YTHDF1: variants seen among roughly 807,000 people sequenced by gnomAD.
YTHDF1 encodes YTH N6-methyladenosine RNA binding protein F1, also known as YTH domain-containing family protein 1.
In YTHDF1, 16 loss-of-function variants were observed where a neutral mutation model predicts 49.1. The observed-to-expected ratio is 0.33, with a 90% CI of 0.22 to 0.49. The LOEUF (loss-of-function observed/expected upper bound fraction) is 0.49, where lower values mean the gene tolerates loss of function less well. Among genes scored for constraint, YTHDF1 ranks in the 20% least tolerant of loss-of-function variants. The pLI, the probability that YTHDF1 is intolerant of heterozygous loss-of-function variation, is 0.99. For missense variants in YTHDF1, 621 were observed against 744.3 expected, an observed-to-expected ratio of 0.83 and a Z score of 1.93; for synonymous variants, 313 against 290.1, an observed-to-expected ratio of 1.08 and a Z score of -0.80.
intron 3 of YTHDF1, among the ~76,000 whole-genome samples, chr20:63,207,545 T>G (rs927764695): frequency 6.6e-6 from 1 of 151,392 alleles, no homozygotes; most frequent in Non-Finnish European, 1.5e-5. Flanking sequence ...AAGCATATTT[T>G]GGTCCTCGTA....
In YTHDF1 at chr20:63,215,909, G is replaced by A. The variant is rs1245362742; in HGVS notation, c.-17C>T. The A allele has an allele frequency of 1.4e-6, 2 of 1,403,164 alleles. No individual in the cohort carries two copies. Among genetic ancestry groups the A allele is most frequent in the Admixed American group, 2.7e-5 (1 of 37,610 alleles). 86.9% of individuals were successfully genotyped at this position (1,403,164 alleles called of 1,614,324 possible). A position where few individuals can be genotyped will look rare whatever the true frequency, so the allele number is the denominator to read the frequency against. On this transcript the variant is annotated 5_prime_UTR_variant, in exon 1 of 5. Coordinates refer to ENST00000370339, the MANE Select transcript of YTHDF1 (RefSeq NM_017798.4). The stretch of plus-strand genomic sequence containing the variant: ...GGCCGACATGCTTCATGAACAACTA[G>A]ACGCGGGGCCGGGGCGCCCGCCGGC...
chr20:63,215,779 C>T, intron 1 of YTHDF1, 87 bp downstream of exon 1: 3 of 1,405,110 alleles, frequency 2.1e-6, no homozygotes, highest in Non-Finnish European at 2.8e-6. Context: ...CCTCCGCGAC[C>T]CCGGGCTCTG....
At chr20:63,209,993 G>A (rs192538975) in intron 3 of YTHDF1, among the ~76,000 whole-genome samples, 51 of 152,316 alleles carry the variant, frequency 3.3e-4, no homozygotes, top group Non-Finnish European at 5.6e-4. Context: ...AGTAGTAACA[G>A]TCGTTTATCA....
rs1453121979 is a variant in YTHDF1, at chr20:63,203,395, C to T, written c.545G>A (p.Ser182Asn). 1 of 1,613,166 alleles carries T rather than the reference C, an allele frequency of 6.2e-7. No individual in the cohort carries two copies. Among genetic ancestry groups the T allele is most frequent in the East Asian group, 2.2e-5 (1 of 44,868 alleles). ...CAGGCCAACCATGCCCTGCTCCAGGCTGTTCATCCCGGGGGCCTTGCTGAG... is the reference window on the plus strand; with the variant it reads ...CAGGCCAACCATGCCCTGCTCCAGGTTGTTCATCCCGGGGGCCTTGCTGAG... ...DTLSKAPGMN[S>N]LEQGMVGLKI... The change falls in exon 4 of 5, where the codon AGC (serine) becomes AAC (asparagine). Residue 182 changes from serine to asparagine, a missense_variant. Physicochemically the swap from Ser to Asn is conservative, Grantham distance 46 (BLOSUM62 1). Transcript: ENST00000370339. This position sits in a 1 kb window ranked among gnomAD's most constrained non-coding sequence, Gnocchi z 4.4.
At chr20:63,198,250 T>C (rs2066501515) in intron 4 of YTHDF1, among the ~76,000 whole-genome samples, 1 of 147,992 alleles carries the variant, frequency 6.8e-6, no homozygotes, top group Non-Finnish European at 1.5e-5. Flanking sequence ...TTGGTCAACA[T>C]GGTAAAACCC....
intron 3 of YTHDF1, among the ~76,000 whole-genome samples, chr20:63,204,209 T>G (rs2066534008): frequency 6.6e-6 from 1 of 152,214 alleles, no homozygotes; most frequent in Non-Finnish European, 1.5e-5. Flanking sequence ...TGAAACAGCT[T>G]TGTAAGGCAG....
intron 4 of YTHDF1, among the ~76,000 whole-genome samples, chr20:63,200,333 C>G (rs1233950991): frequency 6.6e-6 from 1 of 152,022 alleles, no homozygotes; most frequent in Non-Finnish European, 1.5e-5. Flanking sequence ...TGCACTCCAG[C>G]CTGGCTGACG....
rs2066530759 is a variant in YTHDF1, at chr20:63,203,645, AATG to A, written c.292_294del (p.His98del). ...TGCCCAAAAACAGCATCGTGCATAA[AATG>A]ATGGTCTCCGTTACTGAGCTGTCCG... On this transcript the variant is annotated inframe_deletion, in exon 4 of 5. Coordinates refer to ENST00000370339, the MANE Select transcript of YTHDF1 (RefSeq NM_017798.4). The surrounding 1 kb of genome is among the most constrained non-coding windows in gnomAD (Gnocchi z 4.4). The A allele has an allele frequency of 6.2e-7, 1 of 1,614,122 alleles. No individual in the cohort carries two copies. Among genetic ancestry groups the A allele is most frequent in the African/African-American group, 1.3e-5 (1 of 75,030 alleles).
Position 63,196,607 on chromosome 20 carries a change from T to C in YTHDF1, c.*101A>G. On this transcript the variant is annotated 3_prime_UTR_variant, in exon 5 of 5. Coordinates refer to ENST00000370339, the MANE Select transcript of YTHDF1 (RefSeq NM_017798.4). ...GACAAGAAAGGCAAAGATGCAACAC[T>C]CAACCCCCGCACGGGACGACACACT... 1 of 1,400,878 alleles carries C rather than the reference T, an allele frequency of 7.1e-7. No homozygotes were observed. The highest frequency in any genetic ancestry group is 9.9e-7 in the Non-Finnish European group (1 of 1,013,102). The allele number at this position is 1,400,878 out of a possible 1,614,324, so 86.8% of individuals were successfully genotyped here. A position where few individuals can be genotyped will look rare whatever the true frequency, so the allele number is the denominator to read the frequency against.
At chr20:63,198,769 G>A (rs182750093) in intron 4 of YTHDF1, among the ~76,000 whole-genome samples, 141 of 152,262 alleles carry the variant, frequency 9.3e-4, no homozygotes, top group African/African-American at 3.2e-3. Context: ...CTGCTGAGCC[G>A]GCCTGGAGGT....
At chr20:63,211,477 C>T (rs903128275) in intron 3 of YTHDF1, among the ~76,000 whole-genome samples, 4 of 152,076 alleles carry the variant, frequency 2.6e-5, no homozygotes, top group Admixed American at 1.3e-4. Context: ...CAAAAAAGGA[C>T]CCAGAGCTAT....
At chr20:63,207,665 C>T (rs1234344678) in intron 3 of YTHDF1, among the ~76,000 whole-genome samples, 5 of 152,290 alleles carry the variant, frequency 3.3e-5, no homozygotes, top group African/African-American at 1.2e-4. Context: ...ATGCTAGGCG[C>T]CTCACTGCAG....
intron 3 of YTHDF1, among the ~76,000 whole-genome samples, chr20:63,205,370 T>C (rs1251407747): frequency 6.6e-6 from 1 of 152,198 alleles, no homozygotes; most frequent in Admixed American, 6.5e-5. Context: ...CCAACACTGG[T>C]GGACTAATGA....
Position 63,204,802 on chromosome 20 carries a change from T to C in YTHDF1, c.133-995A>G, listed in dbSNP as rs1032614699. ...AATTTAGACTGAGGGTCAGCAGTTC[T>C]GGGACGGCATCTCCTTGGAGAGACT... On this transcript the variant is annotated intron_variant, in intron 3 of 4. Transcript: ENST00000370339. Among the ~76,000 whole-genome samples, 13 of 152,228 alleles carry C rather than the reference T, an allele frequency of 8.5e-5. 1 individual carries two copies. The South Asian group carries it at 1.2e-3, about 15-fold the overall frequency.
At position 63,196,651 on chromosome 20, in the gene YTHDF1, G is replaced by A. The variant is rs2066493723; in HGVS notation, c.*57C>T. ...ACACACTGGAGCTGACCAAGCACAC[G>A]TGTTTTAAACTGTTTTCAAAGTCAA... On this transcript the variant is annotated 3_prime_UTR_variant, in exon 5 of 5. Coordinates refer to ENST00000370339, the MANE Select transcript of YTHDF1 (RefSeq NM_017798.4). 9.3e-6 allele frequency: 15 copies of A among 1,606,428 alleles called. No homozygotes were observed. The highest frequency in any genetic ancestry group is 8.4e-5 in the Admixed American group (5 of 59,566).
In YTHDF1 at chr20:63,203,046, G is replaced by C; in HGVS notation, c.894C>G (p.Pro298=). 6.2e-7 allele frequency: 1 copy of C among 1,606,368 alleles called. No individual in the cohort carries two copies. The highest frequency in any genetic ancestry group is 8.5e-7 in the Non-Finnish European group (1 of 1,175,452). ...CTGGGAGAGGCTGAGCCACCTGCTG[G>C]GGCTGTGGGGCAGCCTGTGGAGAGG... ...QAPSPQAAPQ[P]QQVAQPLPAQ... is the part of the protein sequence containing the mutation. Residue 298 remains proline, a synonymous_variant, in exon 4 of 5, where the codon CCC becomes CCG. Transcript: ENST00000370339. This position sits in a 1 kb window ranked among gnomAD's most constrained non-coding sequence, Gnocchi z 4.4.
In YTHDF1 at chr20:63,203,580, G is replaced by T; in HGVS notation, c.360C>A (p.Phe120Leu). 1 of 1,614,118 alleles carries T rather than the reference G, an allele frequency of 6.2e-7. No homozygotes were observed. Among genetic ancestry groups the T allele is most frequent in the Non-Finnish European group, 8.5e-7 (1 of 1,180,032 alleles). The change falls in exon 4 of 5, where the codon TTC becomes TTA. Residue 120 changes from phenylalanine (F) to leucine (L), a missense_variant. This residue lies in a region of YTHDF1 where 470 missense variants were observed against 495.8 expected (regional missense o/e 0.95). Coordinates refer to ENST00000370339, the MANE Select transcript of YTHDF1 (RefSeq NM_017798.4). The surrounding 1 kb of genome is among the most constrained non-coding windows in gnomAD (Gnocchi z 4.4). Reference sequence around the variant, plus strand: ...ACGCAGGGTTTTCAGGGAAAAAATTGAACCTGTGCTGATAGATGTTGTTCC... The same window carrying T: ...ACGCAGGGTTTTCAGGGAAAAAATTTAACCTGTGCTGATAGATGTTGTTCC... ...GLGNNIYQHR[F>L]NFFPENPAFS...
chr20:63,208,006 AAAAC>A (rs899327305), intron 3 of YTHDF1, among the ~76,000 whole-genome samples: 3 of 152,042 alleles, frequency 2.0e-5, no homozygotes, highest in Admixed American at 6.6e-5. Flanking sequence ...AAAAAAAACA[AAAAC>A]AAACAAAAAA....
chr20:63,197,454 T>TA (rs534534996), intron 4 of YTHDF1, among the ~76,000 whole-genome samples: 5 of 152,202 alleles, frequency 3.3e-5, no homozygotes, highest in Non-Finnish European at 7.3e-5. Flanking sequence ...GCTTGAGACT[T>TA]ACACCCGAAT....
Sources: gnomAD v4.1 joint callset for allele counts (sites outside exome capture counted in the v4.1 genomes callset) on GRCh38, gnomAD v4.1.1 for gene constraint, gnomAD v4.1.1 regional missense constraint, Gnocchi (gnomAD v3.1) non-coding constraint, MANE v1.5 for transcripts, NCBI Gene and HGNC (gene_info 2026-07-23, HGNC 2026-07-21) for gene names.